The following UBAP2 variants were observed in gnomAD, a reference collection of about 807,000 sequenced individuals.
UBAP2 encodes the protein ubiquitin-associated protein 2.
A neutral mutation model predicts 139.6 loss-of-function variants in UBAP2; 75 were observed. That is an observed-to-expected ratio of 0.54 (90% confidence interval 0.45 to 0.65). UBAP2 has a LOEUF of 0.65. Ranked by LOEUF, UBAP2 falls within the 30% of genes least tolerant of loss-of-function variation. The pLI, the probability that UBAP2 is intolerant of heterozygous loss-of-function variation, is 0.00. For missense variants in UBAP2, 1,368 were observed against 1,369.6 expected (o/e 1.00, Z 0.02); for synonymous variants, 526 against 526.2 (o/e 1.00, Z 0.01).
At chr9:33,974,864 CA>C (rs1828176602) in intron 6 of UBAP2, among the ~76,000 whole-genome samples, 1 of 135,702 alleles carries the variant, frequency 7.4e-6, no homozygotes, top group African/African-American at 2.8e-5. Flanking sequence ...CGCTTGAACC[CA>C]GGGGGCGGAG....
At position 34,035,228 on chromosome 9, in the gene UBAP2, C is replaced by T. The variant is rs1040224557; in HGVS notation, c.-42+13597G>A. Among the ~76,000 whole-genome samples the T allele has an allele frequency of 5.3e-5, 8 of 151,926 alleles. No individual in the cohort carries two copies. In the South Asian group the frequency reaches 1.2e-3, roughly 24 times the overall value. Reference sequence around the variant, plus strand: ...ATTCAAAACATTTCATACGGCTAGGCGCGGTGGCTCACGCCTGTAATCCCA... The same window carrying T: ...ATTCAAAACATTTCATACGGCTAGGTGCGGTGGCTCACGCCTGTAATCCCA... On this transcript the variant is annotated intron_variant, in intron 1 of 28. Coordinates refer to ENST00000379238, the MANE Select transcript of UBAP2 (RefSeq NM_001370062.2).
chr9:33,991,022 C>G (rs897516188), intron 4 of UBAP2, among the ~76,000 whole-genome samples: 1 of 152,116 alleles, frequency 6.6e-6, no homozygotes, highest in Non-Finnish European at 1.5e-5. Flanking sequence ...CACTGGCTCA[C>G]GCCTGTAATC....
intron 4 of UBAP2, among the ~76,000 whole-genome samples, chr9:33,991,184 G>A (rs555836707): frequency 3.9e-5 from 6 of 152,110 alleles, no homozygotes; most frequent in Non-Finnish European, 8.8e-5. Context: ...TACTCAGGAG[G>A]CTGAGGCAGG....
intron 12 of UBAP2, among the ~76,000 whole-genome samples, chr9:33,950,893 A>C (rs149643527): frequency 1.8e-4 from 27 of 152,388 alleles, no homozygotes; most frequent in African/African-American, 5.8e-4. Flanking sequence ...TATACAATAC[A>C]CACATGTGCA....
At chr9:33,925,563 C>G (rs935631388) in intron 22 of UBAP2, among the ~76,000 whole-genome samples, 2 of 152,194 alleles carry the variant, frequency 1.3e-5, no homozygotes, top group African/African-American at 4.8e-5. Context: ...AATCCCGGGG[C>G]TCAGCACCAC....
At position 33,956,261 on chromosome 9, in the gene UBAP2, T is replaced by G. The variant is rs547822605; in HGVS notation, c.799-115A>C. The G allele has an allele frequency of 2.1e-4, 133 of 638,140 alleles. 4 individuals carry two copies. In the South Asian group the frequency reaches 3.0e-3, roughly 14 times the overall value. The allele number at this position is 638,140 out of a possible 1,614,324, so 39.5% of individuals were successfully genotyped here. A position where few individuals can be genotyped will look rare whatever the true frequency, so the allele number is the denominator to read the frequency against. ...CTCTTACACTTCGCATAACAGCTATTCTAAAGAAAATGAAATATACAAGTG... is the reference window on the plus strand; with the variant it reads ...CTCTTACACTTCGCATAACAGCTATGCTAAAGAAAATGAAATATACAAGTG... On this transcript the variant is annotated intron_variant, in intron 10 of 28. Coordinates refer to ENST00000379238, the MANE Select transcript of UBAP2 (RefSeq NM_001370062.2).
At chr9:33,975,562 GC>G (rs1828262568) in intron 6 of UBAP2, among the ~76,000 whole-genome samples, 1 of 151,982 alleles carries the variant, frequency 6.6e-6, no homozygotes. Context: ...ACTTTGGGAG[GC>G]CGAGACGGAC....
At chr9:33,986,540 T>C (rs538409382) in intron 6 of UBAP2, among the ~76,000 whole-genome samples, 22 of 152,332 alleles carry the variant, frequency 1.4e-4, no homozygotes, top group African/African-American at 4.3e-4. Flanking sequence ...AAATTATTCA[T>C]AGGGCTTTCT....
chr9:33,995,485 A>G (rs562684864), intron 4 of UBAP2: 40 of 135,616 alleles, frequency 2.9e-4, no homozygotes, highest in Non-Finnish European at 5.5e-4. Flanking sequence ...AAATATATTT[A>G]TATTATTAAA....
At chr9:34,018,059 G>A (rs1824541429) in intron 1 of UBAP2, among the ~76,000 whole-genome samples, 1 of 151,786 alleles carries the variant, frequency 6.6e-6, no homozygotes. Flanking sequence ...ACGGTGGCAT[G>A]CACCTGCAAT....
intron 6 of UBAP2, among the ~76,000 whole-genome samples, chr9:33,973,881 A>C (rs2131064514): frequency 6.6e-6 from 1 of 152,342 alleles, no homozygotes; most frequent in East Asian, 1.9e-4. Context: ...CAAAAAAAGA[A>C]AAAATAGACA....
intron 2 of UBAP2, among the ~76,000 whole-genome samples, chr9:34,010,379 G>A (rs1267472204): frequency 7.0e-5 from 10 of 142,408 alleles, no homozygotes; most frequent in Admixed American, 1.5e-4. Flanking sequence ...AGCCCAGATC[G>A]CGCCACTGCA....
intron 1 of UBAP2, among the ~76,000 whole-genome samples, chr9:34,040,100 G>A (rs1318740537): frequency 5.3e-5 from 8 of 150,406 alleles, no homozygotes; most frequent in African/African-American, 1.2e-4. Flanking sequence ...CGGAGGTTGC[G>A]TTGAGCCAAG....
rs1217356369 is a variant in UBAP2, at chr9:33,981,226, G to GATATATATATATATATATTCTGGATAT, written c.520+5533_520+5534insATATCCAGAATATATATATATATATAT. On this transcript the variant is annotated intron_variant, in intron 6 of 28. Transcript: ENST00000379238. ...TCTGGATATATATATATATATTCTGGATATATATATATATTCTGGATATAT... is the reference window on the plus strand; with the variant it reads ...TCTGGATATATATATATATATTCTGGATATATATATATATATATTCTGGATATATATATATATATATTCTGGATATAT... Among the ~76,000 whole-genome samples the GATATATATATATATATATTCTGGATAT allele has an allele frequency of 9.2e-5, 2 of 21,796 alleles. 1 individual carries two copies. The highest frequency in any genetic ancestry group is 4.8e-4 in the African/African-American group (2 of 4,126). The allele number at this position is 21,796 out of a possible 152,430, so 14.3% of individuals were successfully genotyped here. A position where few individuals can be genotyped will look rare whatever the true frequency, so the allele number is the denominator to read the frequency against.
intron 3 of UBAP2, chr9:33,997,261 C>T (rs1822283695): frequency 1.3e-5 from 2 of 152,142 alleles, no homozygotes; most frequent in African/African-American, 4.8e-5. Flanking sequence ...ATCACTAGAA[C>T]GATCACAGAC....
At chr9:33,972,569 C>T (rs1385588107) in intron 7 of UBAP2, among the ~76,000 whole-genome samples, 1 of 152,142 alleles carries the variant, frequency 6.6e-6, no homozygotes, top group Non-Finnish European at 1.5e-5. Context: ...TTGACTGCAT[C>T]TACGTATGGC....
intron 8 of UBAP2, among the ~76,000 whole-genome samples, chr9:33,964,014 T>TC (rs1827268821): frequency 6.6e-6 from 1 of 152,310 alleles, no homozygotes; most frequent in South Asian, 2.1e-4. Context: ...ATTCTCATTC[T>TC]CACGCCCATG....
At chr9:33,958,311 T>C (rs1481091454) in intron 10 of UBAP2, among the ~76,000 whole-genome samples, 1 of 152,022 alleles carries the variant, frequency 6.6e-6, no homozygotes, top group East Asian at 1.9e-4. Flanking sequence ...TGCCTGAAAC[T>C]TACAAATTAA....
chr9:34,000,093 G>A (rs986684639), intron 2 of UBAP2, among the ~76,000 whole-genome samples: 6 of 151,896 alleles, frequency 4.0e-5, no homozygotes, highest in African/African-American at 1.5e-4. Flanking sequence ...GATTACAGGC[G>A]CCTGTCACTG....
Sources: allele counts gnomAD v4.1 joint callset (sites outside exome capture counted in the v4.1 genomes callset), GRCh38; gene constraint gnomAD v4.1.1; transcripts MANE v1.5; gene names NCBI Gene and HGNC (gene_info 2026-07-23, HGNC 2026-07-21).